NDFIP2: variants seen among roughly 807,000 people sequenced by gnomAD.
NDFIP2 encodes Nedd4 family interacting protein 2.
In NDFIP2, 19 loss-of-function variants were observed where a neutral mutation model predicts 36.0. The observed-to-expected ratio is 0.53, with a 90% CI of 0.37 to 0.77. The LOEUF (loss-of-function observed/expected upper bound fraction) is 0.77. NDFIP2 is among the 30% of genes least tolerant of loss of function. NDFIP2 has a pLI of 0.00. For synonymous variants in NDFIP2, 181 were observed against 167.7 expected, an observed-to-expected ratio of 1.08 and a Z score of -0.61; for missense variants, 446 against 435.8, an observed-to-expected ratio of 1.02 and a Z score of -0.21.
chr13:79,551,831 A>G (rs1248982193), intron 7 of NDFIP2, among the ~76,000 whole-genome samples: 1 of 151,316 alleles, frequency 6.6e-6, no homozygotes, highest in Non-Finnish European at 1.5e-5. Flanking sequence ...TCCCTATTCT[A>G]CTTTTTAAAG....
intron 2 of NDFIP2, among the ~76,000 whole-genome samples, chr13:79,523,887 ATTTTGCTGAAAC>A (rs1874688468): frequency 6.6e-6 from 1 of 152,110 alleles, no homozygotes; most frequent in Admixed American, 6.5e-5. Context: ...GTTGGAGGTT[ATTTTGCTGAAAC>A]CTTTTGGAAG....
chr13:79,504,055 T>C (rs1409064322), intron 1 of NDFIP2, among the ~76,000 whole-genome samples: 1 of 152,190 alleles, frequency 6.6e-6, no homozygotes, highest in Non-Finnish European at 1.5e-5. Flanking sequence ...GATCATTTTA[T>C]AAAATGGCTG....
intron 1 of NDFIP2, among the ~76,000 whole-genome samples, chr13:79,491,464 T>C (rs1340911747): frequency 1.3e-5 from 2 of 152,194 alleles, no homozygotes; most frequent in South Asian, 2.1e-4. Flanking sequence ...GTTCAATAAG[T>C]AGCCCATGAA....
chr13:79,514,696 T>A (rs1331806692), intron 1 of NDFIP2, among the ~76,000 whole-genome samples: 1 of 152,190 alleles, frequency 6.6e-6, no homozygotes, highest in Non-Finnish European at 1.5e-5. Flanking sequence ...TGATTATGCT[T>A]AGTGTTATTT....
At chr13:79,504,738 A>C (rs1873794406) in intron 1 of NDFIP2, among the ~76,000 whole-genome samples, 1 of 151,926 alleles carries the variant, frequency 6.6e-6, no homozygotes, top group South Asian at 2.1e-4. Flanking sequence ...TTTAAAATTC[A>C]TTGGTGGTTC....
At chr13:79,526,166 G>T (rs1297592781) in intron 2 of NDFIP2, among the ~76,000 whole-genome samples, 5 of 152,158 alleles carry the variant, frequency 3.3e-5, no homozygotes, top group Non-Finnish European at 7.4e-5. Context: ...CAATGCCTTG[G>T]TGACAGATTG....
At position 79,481,477 on chromosome 13, in the gene NDFIP2, C is replaced by G; in HGVS notation, c.274C>G (p.Pro92Ala). The G allele has an allele frequency of 6.4e-7, 1 of 1,562,210 alleles. No individual in the cohort carries two copies. The highest frequency in any genetic ancestry group is 1.2e-5 in the South Asian group (1 of 84,808). Residue 92 changes from proline to alanine, a missense_variant, in exon 1 of 8, where the codon CCG becomes GCG. By Grantham distance (27) the Pro-to-Ala change is conservative (BLOSUM62 -1). This residue lies in a region of NDFIP2 where 369 missense variants were observed against 304.8 expected (regional missense o/e 1.21). Coordinates refer to ENST00000218652, the MANE Select transcript of NDFIP2 (RefSeq NM_019080.3). ...CCTCTCTCGGAAGCCGGATCCCGAG[C>G]CGGGCAGGATGGATCACCACCAGCC... ...DSLSRKPDPE[P>A]GRMDHHQPGT...
chr13:79,547,027 C>A (rs923930324), intron 5 of NDFIP2, among the ~76,000 whole-genome samples: 1 of 151,518 alleles, frequency 6.6e-6, no homozygotes, highest in African/African-American at 2.4e-5. Flanking sequence ...AATTTTAAAT[C>A]TCTGAAATTA....
At position 79,552,942 on chromosome 13, in the gene NDFIP2, G is replaced by T. The variant is rs1187875406; in HGVS notation, c.*429G>T. On this transcript the variant is annotated 3_prime_UTR_variant, in exon 8 of 8. Coordinates refer to ENST00000218652, the MANE Select transcript of NDFIP2 (RefSeq NM_019080.3). ...ACCATGTCAAATGATTTAGTTTCTG[G>T]CTCTTAGACTCATCTGGCAGTTCTA... is the stretch of plus-strand genomic sequence containing the variant. The T allele has an allele frequency of 6.6e-6, 1 of 151,490 alleles. No homozygotes were observed. Among genetic ancestry groups the T allele is most frequent in the Non-Finnish European group, 1.5e-5 (1 of 67,344 alleles). The allele number at this position is 151,490 out of a possible 1,614,324, so 9.4% of individuals were successfully genotyped here.
intron 1 of NDFIP2, among the ~76,000 whole-genome samples, chr13:79,487,556 C>T (rs986432076): frequency 1.3e-5 from 2 of 151,934 alleles, no homozygotes; most frequent in Non-Finnish European, 2.9e-5. Context: ...TTTTATTTTC[C>T]ATGGGTGGAA....
At chr13:79,533,737 A>C (rs895296419) in intron 3 of NDFIP2, among the ~76,000 whole-genome samples, 2 of 152,142 alleles carry the variant, frequency 1.3e-5, no homozygotes, top group African/African-American at 4.8e-5. Context: ...GAATGTATAA[A>C]ATACATGTAA....
intron 4 of NDFIP2, among the ~76,000 whole-genome samples, chr13:79,542,183 T>C (rs1875479769): frequency 6.6e-6 from 1 of 152,218 alleles, no homozygotes; most frequent in South Asian, 2.1e-4. Context: ...TGGGCTCTTA[T>C]TTGATCCTGT....
At chr13:79,527,309 A>T (rs1285534113) in intron 2 of NDFIP2, among the ~76,000 whole-genome samples, 1 of 152,236 alleles carries the variant, frequency 6.6e-6, no homozygotes, top group African/African-American at 2.4e-5. Flanking sequence ...TTGAAATAGC[A>T]AATTTAAAAA....
intron 1 of NDFIP2, among the ~76,000 whole-genome samples, chr13:79,519,365 G>A (rs1225193450): frequency 1.3e-5 from 2 of 152,146 alleles, no homozygotes; most frequent in Admixed American, 1.3e-4. Context: ...TATATTTAAG[G>A]ATCAAAGTAC....
Position 79,507,249 on chromosome 13 carries a change from G to T in NDFIP2, c.322-13561G>T, listed in dbSNP as rs182070891. 2.7e-3 allele frequency among the ~76,000 whole-genome samples: 383 copies of T among 141,294 alleles called. 8 individuals carry two copies. Among genetic ancestry groups the T allele is most frequent in the African/African-American group, 9.5e-3 (368 of 38,868 alleles). 92.7% of individuals were successfully genotyped at this position (141,294 alleles called of 152,430 possible). A position where few individuals can be genotyped will look rare whatever the true frequency, so the allele number is the denominator to read the frequency against. On this transcript the variant is annotated intron_variant, in intron 1 of 7. Transcript: ENST00000218652. ...TTTTCCATGGATTTTCTGTTTCTGT[G>T]TTTTTTGTTCTGATTGAGTTTTTTT...
intron 2 of NDFIP2, among the ~76,000 whole-genome samples, chr13:79,522,314 TATA>T (rs1320526653): frequency 6.6e-6 from 1 of 152,186 alleles, no homozygotes; most frequent in East Asian, 1.9e-4. Flanking sequence ...GTTTTCACAA[TATA>T]ATAATAAGAC....
intron 1 of NDFIP2, among the ~76,000 whole-genome samples, chr13:79,510,156 T>C (rs1403951492): frequency 6.6e-6 from 1 of 152,208 alleles, no homozygotes; most frequent in Non-Finnish European, 1.5e-5. Context: ...TTGTCCCTTT[T>C]GTGATCTATT....
chr13:79,490,356 TG>T (rs1264809506), intron 1 of NDFIP2, among the ~76,000 whole-genome samples: 1 of 152,194 alleles, frequency 6.6e-6, no homozygotes, highest in African/African-American at 2.4e-5. Context: ...ACCCCAATCA[TG>T]GATTCCTCCT....
At chr13:79,519,641 C>T (rs2137084430) in intron 1 of NDFIP2, among the ~76,000 whole-genome samples, 1 of 152,306 alleles carries the variant, frequency 6.6e-6, no homozygotes, top group Non-Finnish European at 1.5e-5. Context: ...CTCCTAGGAT[C>T]TCCTAGGTTG....
Sources: gnomAD v4.1 joint callset for allele counts (sites outside exome capture counted in the v4.1 genomes callset) on GRCh38, gnomAD v4.1.1 for gene constraint, gnomAD v4.1.1 regional missense constraint, MANE v1.5 for transcripts, NCBI Gene and HGNC (gene_info 2026-07-23, HGNC 2026-07-21) for gene names.